DICER1: variants seen among roughly 807,000 people sequenced by gnomAD.
DICER1 encodes the protein endoribonuclease Dicer.
A neutral mutation model predicts 194.1 loss-of-function variants in DICER1; 43 were observed. The observed-to-expected ratio is 0.22, with a 90% confidence interval of 0.17 to 0.29. The LOEUF is 0.29. Ranked by LOEUF, DICER1 falls within the 10% of genes least tolerant of loss-of-function variation. The pLI is 1.00. For synonymous variants in DICER1, 832 were observed against 820.5 expected (o/e 1.01, Z -0.24); for missense variants, 1,608 against 2,317.0 (o/e 0.69, Z 6.28).
At chr14:95,108,550 C>T (rs770989498) in intron 14 of DICER1, 47 bp from the exon 15 acceptor site, 1 of 1,543,682 alleles carries the variant, frequency 6.5e-7, no homozygotes, top group South Asian at 1.1e-5. Flanking sequence ...GCATATTAGC[C>T]TCTTTTCCAG....
At chr14:95,154,866 C>CA (rs77879997) in intron 1 of DICER1, among the ~76,000 whole-genome samples, 7,146 of 64,976 alleles carry the variant, frequency 0.11, 421 homozygotes, top group African/African-American at 0.27. Flanking sequence ...TTTACCATGC[C>CA]AAAAAAAAAA....
In DICER1 at chr14:95,116,656, T is replaced by C. The variant is rs1892502082; in HGVS notation, c.1549A>G (p.Ile517Val). Residue 517 changes from isoleucine (I) to valine (V), a missense_variant, in exon 10 of 27, where the codon ATT becomes GTT. Physicochemically the swap from Ile to Val is conservative, Grantham distance 29. Transcript: ENST00000343455. Reference sequence around the variant, plus strand: ...CCCTCTTCTACAATACTTGTTGCAATAAGCAGGTTGGTCTCATGTGCTCGA... The same window carrying C: ...CCCTCTTCTACAATACTTGTTGCAACAAGCAGGTTGGTCTCATGTGCTCGA... ...KFRAHETNLL[I>V]ATSIVEEGVD... 1 of 1,613,680 alleles carries C rather than the reference T, an allele frequency of 6.2e-7. No individual in the cohort carries two copies. The highest frequency in any genetic ancestry group is 8.5e-7 in the Non-Finnish European group (1 of 1,179,896).
chr14:95,147,283 T>C (rs1191913365), intron 1 of DICER1, among the ~76,000 whole-genome samples: 1 of 152,096 alleles, frequency 6.6e-6, no homozygotes, highest in African/African-American at 2.4e-5. Context: ...CTGGGAAACA[T>C]GGCAAAACCC....
At position 95,105,586 on chromosome 14, in the gene DICER1, T is replaced by C; in HGVS notation, c.3093+92A>G. On this transcript the variant is annotated intron_variant, in intron 19 of 26. Transcript: ENST00000343455. This position sits in a 1 kb window ranked among gnomAD's most constrained non-coding sequence, Gnocchi z 4.9. The stretch of plus-strand genomic sequence containing the variant: ...TTCTAAAAAATTAACGAATCATGCA[T>C]TTAACTTGGTAAGATAAAATTCAAA... 9.6e-7 allele frequency: 1 copy of C among 1,036,874 alleles called. No individual in the cohort carries two copies. 64.2% of individuals were successfully genotyped at this position (1,036,874 alleles called of 1,614,324 possible). A position where few individuals can be genotyped will look rare whatever the true frequency, so the allele number is the denominator to read the frequency against.
At chr14:95,132,370 C>T (rs980924765) in intron 3 of DICER1, 145 bp downstream of exon 3, 25 of 886,806 alleles carry the variant, frequency 2.8e-5, no homozygotes, top group Non-Finnish European at 3.9e-5. Context: ...TAGGACAAAA[C>T]AATTTCTGCC....
intron 1 of DICER1, among the ~76,000 whole-genome samples, chr14:95,139,559 A>G (rs771732666): frequency 5.3e-5 from 8 of 152,252 alleles, no homozygotes; most frequent in Admixed American, 3.3e-4. Flanking sequence ...ACAGCTCCAT[A>G]AGAACAAGAC....
intron 26 of DICER1, 127 bp from the exon 27 acceptor site, chr14:95,090,790 G>T: frequency 8.3e-7 from 1 of 1,200,102 alleles, no homozygotes; most frequent in Non-Finnish European, 1.2e-6. Context: ...AAGGAAACAC[G>T]CGTTACGACT....
In DICER1 at chr14:95,124,743, G is replaced by T; in HGVS notation, c.904-75C>A. 1 of 1,254,708 alleles carries T rather than the reference G, an allele frequency of 8.0e-7. No homozygotes were observed. Among genetic ancestry groups the T allele is most frequent in the Non-Finnish European group, 1.2e-6 (1 of 867,138 alleles). 77.7% of individuals were successfully genotyped at this position (1,254,708 alleles called of 1,614,324 possible). ...GCATTTTCATGTGGGGTTTAACTGG[G>T]ATTTCAGTTGTTCTCAAATGGCTCC... is the stretch of plus-strand genomic sequence containing the variant. On this transcript the variant is annotated intron_variant, in intron 7 of 26. Transcript: ENST00000343455. The surrounding 1 kb of genome is among the most constrained non-coding windows in gnomAD (Gnocchi z 4.5).
Position 95,095,971 on chromosome 14 carries a change from A to T in DICER1, c.4949T>A (p.Phe1650Tyr). ...GCLKIPPRCM[F>Y]DHPDADKTLN... is the part of the protein sequence containing the mutation. ...TGTTTTATCTGCATCTGGATGATCA[A>T]ACATACATCTTGGTGGAATCTTCAA... is the stretch of plus-strand genomic sequence containing the variant. Residue 1650 changes from phenylalanine (F) to tyrosine (Y), a missense_variant, in exon 23 of 27, where the codon TTT becomes TAT. Phe to Tyr is a conservative substitution (Grantham distance 22, BLOSUM62 3). Transcript: ENST00000343455. The T allele has an allele frequency of 6.2e-7, 1 of 1,614,254 alleles. No homozygotes were observed.
intron 1 of DICER1, among the ~76,000 whole-genome samples, chr14:95,144,908 C>T (rs1895036520): frequency 6.6e-6 from 1 of 152,170 alleles, no homozygotes; most frequent in Non-Finnish European, 1.5e-5. Flanking sequence ...CTTATCACAG[C>T]ACAGAGAGAT....
At chr14:95,115,532 T>G (rs1892358839) in intron 11 of DICER1, 135 bp downstream of exon 11, 1 of 1,001,502 alleles carries the variant, frequency 1.0e-6, no homozygotes, top group Non-Finnish European at 1.6e-6. Flanking sequence ...AAGAAGTAAC[T>G]TTTCTTTATC....
intron 23 of DICER1, chr14:95,095,480 C>A: frequency 3.2e-6 from 1 of 310,896 alleles, no homozygotes; most frequent in Non-Finnish European, 6.2e-6. Flanking sequence ...AAATCAAAAA[C>A]CAAAAGCAGC....
At chr14:95,118,622 G>T (rs989600215) in intron 8 of DICER1, among the ~76,000 whole-genome samples, 1 of 152,094 alleles carries the variant, frequency 6.6e-6, no homozygotes, top group African/African-American at 2.4e-5. Context: ...GGGTGCAGAA[G>T]GTTAACAGTT....
chr14:95,104,010 G>A lies in DICER1; in HGVS notation c.3386C>T (p.Pro1129Leu). Reference sequence around the variant, plus strand: ...AGCACCTTGATGTGCAGCATTTTCAGGGACAATTGTGCTGTGCTTACAGTA... The same window carrying A: ...AGCACCTTGATGTGCAGCATTTTCAAGGACAATTGTGCTGTGCTTACAGTA... ...DNYCKHSTIVPENAAHQGANR... is the reference protein window; with the variant it reads ...DNYCKHSTIVLENAAHQGANR... The change falls in exon 21 of 27, where the codon CCT becomes CTT. Residue 1129 changes from proline to leucine, a missense_variant. By Grantham distance (98) the Pro-to-Leu change is moderately conservative (BLOSUM62 -3). Coordinates refer to ENST00000343455, the MANE Select transcript of DICER1 (RefSeq NM_177438.3). 6.2e-7 allele frequency: 1 copy of A among 1,614,124 alleles called. No homozygotes were observed. Among genetic ancestry groups the A allele is most frequent in the Non-Finnish European group, 8.5e-7 (1 of 1,180,018 alleles).
At chr14:95,144,465 G>T (rs1378467890) in intron 1 of DICER1, among the ~76,000 whole-genome samples, 2 of 152,028 alleles carry the variant, frequency 1.3e-5, no homozygotes, top group African/African-American at 4.8e-5. Context: ...CTATTACGAG[G>T]ATTACACAAG....
intron 1 of DICER1, among the ~76,000 whole-genome samples, chr14:95,156,662 G>A (rs1895891983): frequency 6.6e-6 from 1 of 152,246 alleles, no homozygotes; most frequent in Non-Finnish European, 1.5e-5. Context: ...TCTGAGGGGA[G>A]AGGCAAAAGA....
chr14:95,099,758 AC>A lies in DICER1; in HGVS notation c.4206+21del, dbSNP rs781195791. ...CACACACACACACACACACACACAC[AC>A]ACACACACACACAAACTTACCATTT... On this transcript the variant is annotated intron_variant, in intron 22 of 26. Transcript: ENST00000343455. 143,566 of 1,589,738 alleles carry A rather than the reference AC, an allele frequency of 0.09. 3,051 individuals carry two copies. The highest frequency in any genetic ancestry group is 0.33 in the East Asian group (14,563 of 43,850).
chr14:95,119,550 G>C (rs1892763458), intron 8 of DICER1, among the ~76,000 whole-genome samples: 1 of 152,202 alleles, frequency 6.6e-6, no homozygotes, highest in African/African-American at 2.4e-5. Context: ...ACTGCTTAAA[G>C]AGTTTGTAAC....
At chr14:95,141,864 G>A (rs985716064) in intron 1 of DICER1, 6 of 152,110 alleles carry the variant, frequency 3.9e-5, no homozygotes, top group African/African-American at 1.2e-4. Context: ...TGGGCAACAA[G>A]ACAATGCATG....
Sources: gnomAD v4.1 joint callset for allele counts (sites outside exome capture counted in the v4.1 genomes callset) on GRCh38, gnomAD v4.1.1 for gene constraint, Gnocchi (gnomAD v3.1) non-coding constraint, MANE v1.5 for transcripts, NCBI Gene and HGNC (gene_info 2026-07-23, HGNC 2026-07-21) for gene names.